Variants in COG5 observed in about 807,000 individuals in gnomAD.
The protein encoded by COG5 is component of oligomeric golgi complex 5.
COG5 carries 86 observed loss-of-function variants against 110.4 expected under a neutral mutation model. The observed-to-expected ratio is 0.78, with a 90% CI of 0.65 to 0.93. The LOEUF is 0.93. Ranked by LOEUF, COG5 falls within the 40% of genes least tolerant of loss-of-function variation. COG5 has a pLI of 0.00. For missense variants in COG5, 1,077 were observed against 987.0 expected, an observed-to-expected ratio of 1.09 and a Z score of -1.22; for synonymous variants, 360 against 334.6, an observed-to-expected ratio of 1.08 and a Z score of -0.83.
intron 6 of COG5, among the ~76,000 whole-genome samples, chr7:107,461,234 T>G (rs534051717): frequency 1.3e-5 from 2 of 151,944 alleles, no homozygotes; most frequent in African/African-American, 4.8e-5. Context: ...TCTAAAAAGG[T>G]AGTACTATCA....
chr7:107,256,036 T>A (rs1214479570), intron 16 of COG5, among the ~76,000 whole-genome samples: 1 of 152,102 alleles, frequency 6.6e-6, no homozygotes, highest in African/African-American at 2.4e-5. Flanking sequence ...AAAATGTGCC[T>A]CTCTAGTACT....
chr7:107,393,789 C>T (rs1371237384), intron 7 of COG5, among the ~76,000 whole-genome samples: 8 of 152,218 alleles, frequency 5.3e-5, no homozygotes, highest in East Asian at 1.9e-4. Flanking sequence ...GCAAAAGTTG[C>T]GCTATCTTCT....
chr7:107,408,679 T>C (rs775057135), intron 7 of COG5, among the ~76,000 whole-genome samples: 4 of 152,212 alleles, frequency 2.6e-5, no homozygotes, highest in Non-Finnish European at 5.9e-5. Flanking sequence ...TCAGCTCTAA[T>C]GGGGCCTGGT....
chr7:107,208,138 G>A lies in COG5; in HGVS notation c.2375+2388C>T, dbSNP rs948461919. On this transcript the variant is annotated intron_variant, in intron 21 of 21. Coordinates refer to ENST00000297135, the MANE Select transcript of COG5 (RefSeq NM_006348.5). ...AGGACAAAAGTCCCCTCCTTGCCAA[G>A]AGCCTGGGGTGCAGCAGGAGTACAG... 9 of 985,330 alleles carry A rather than the reference G, an allele frequency of 9.1e-6. No homozygotes were observed. The African/African-American group carries it at 1.2e-4, about 13-fold the overall frequency. 61.0% of individuals were successfully genotyped at this position (985,330 alleles called of 1,614,324 possible).
At chr7:107,366,121 C>T (rs1406559079) in intron 8 of COG5, among the ~76,000 whole-genome samples, 1 of 152,006 alleles carries the variant, frequency 6.6e-6, no homozygotes, top group Admixed American at 6.6e-5. Context: ...TTTCCACTGT[C>T]TCAAATTACT....
chr7:107,412,684 T>C (rs775683680), intron 6 of COG5, 52 bp from the exon 7 acceptor site: 3 of 1,107,304 alleles, frequency 2.7e-6, no homozygotes, highest in Non-Finnish European at 3.9e-6. Context: ...TGAATAAATA[T>C]CAAGGTATCA....
At chr7:107,276,307 A>C (rs1804698649) in intron 14 of COG5, among the ~76,000 whole-genome samples, 1 of 152,166 alleles carries the variant, frequency 6.6e-6, no homozygotes, top group South Asian at 2.1e-4. Context: ...AGGTGCCACA[A>C]CAGTTCCCTT....
intron 6 of COG5, among the ~76,000 whole-genome samples, chr7:107,422,290 A>C (rs1384636730): frequency 6.6e-6 from 1 of 152,206 alleles, no homozygotes; most frequent in Non-Finnish European, 1.5e-5. Context: ...GTATTTTCCC[A>C]GGCTGTTGAT....
intron 6 of COG5, among the ~76,000 whole-genome samples, chr7:107,506,019 G>A (rs1397203907): frequency 2.0e-5 from 3 of 152,178 alleles, no homozygotes; most frequent in Admixed American, 6.5e-5. Flanking sequence ...CCTTGGTTAT[G>A]GATAGTCTTA....
chr7:107,234,171 C>G (rs975918390), intron 18 of COG5, among the ~76,000 whole-genome samples: 1 of 152,166 alleles, frequency 6.6e-6, no homozygotes, highest in African/African-American at 2.4e-5. Flanking sequence ...CTTTTCAATA[C>G]CACACTGCCT....
At chr7:107,240,370 C>T (rs771139563) in intron 17 of COG5, among the ~76,000 whole-genome samples, 1 of 152,110 alleles carries the variant, frequency 6.6e-6, no homozygotes, top group Non-Finnish European at 1.5e-5. Flanking sequence ...TGCCTGCCAC[C>T]ACCCCGGGCT....
chr7:107,313,175 A>G (rs1808432679), intron 11 of COG5, among the ~76,000 whole-genome samples: 1 of 152,224 alleles, frequency 6.6e-6, no homozygotes, highest in African/African-American at 2.4e-5. Context: ...GATCAACCTC[A>G]GTATTTCAGG....
At chr7:107,350,876 T>G (rs552091136) in intron 10 of COG5, among the ~76,000 whole-genome samples, 18 of 152,342 alleles carry the variant, frequency 1.2e-4, no homozygotes, top group African/African-American at 4.1e-4. Flanking sequence ...CCCCATCTTG[T>G]GCATTCACCT....
At chr7:107,253,806 C>A (rs1195153578) in intron 16 of COG5, among the ~76,000 whole-genome samples, 3 of 152,110 alleles carry the variant, frequency 2.0e-5, no homozygotes, top group African/African-American at 7.2e-5. Context: ...CAAGCCTGTC[C>A]AATTCAGGTC....
At chr7:107,304,050 A>G (rs1807500466) in intron 11 of COG5, among the ~76,000 whole-genome samples, 1 of 152,202 alleles carries the variant, frequency 6.6e-6, no homozygotes, top group South Asian at 2.1e-4. Context: ...AATTTAGAAG[A>G]TAATTCTATG....
intron 6 of COG5, among the ~76,000 whole-genome samples, chr7:107,516,892 A>T (rs753795546): frequency 6.6e-6 from 1 of 152,250 alleles, no homozygotes; most frequent in South Asian, 2.1e-4. Context: ...ATCCACAAAG[A>T]TGAGGAAAAA....
chr7:107,335,500 T>C (rs913713399), intron 10 of COG5, among the ~76,000 whole-genome samples: 1 of 152,054 alleles, frequency 6.6e-6, no homozygotes, highest in Admixed American at 6.6e-5. Flanking sequence ...AATTAAAACA[T>C]ACTATCAGAC....
At chr7:107,489,806 A>G (rs1017892444) in intron 6 of COG5, among the ~76,000 whole-genome samples, 2 of 152,036 alleles carry the variant, frequency 1.3e-5, no homozygotes. Context: ...GATTTTTTTT[A>G]AAAAAAGAAA....
intron 10 of COG5, among the ~76,000 whole-genome samples, chr7:107,326,933 T>C (rs912065042): frequency 1.3e-5 from 2 of 152,132 alleles, no homozygotes; most frequent in Non-Finnish European, 2.9e-5. Flanking sequence ...TCTCAGCTAC[T>C]TGGAGGATGA....
Sources: gnomAD v4.1 joint callset for allele counts (sites outside exome capture counted in the v4.1 genomes callset) on GRCh38, gnomAD v4.1.1 for gene constraint, MANE v1.5 for transcripts, NCBI Gene and HGNC (gene_info 2026-07-23, HGNC 2026-07-21) for gene names.